ARHGEF38: variants seen among roughly 807,000 people sequenced by gnomAD.
ARHGEF38 encodes the protein Rho guanine nucleotide exchange factor 38, also known as Rho guanine nucleotide exchange factor (GEF) 38.
Under a neutral mutation model 79.9 loss-of-function variants are expected in ARHGEF38, and 79 were observed. The observed-to-expected ratio is 0.99, with a 90% confidence interval of 0.82 to 1.19. ARHGEF38 has a LOEUF of 1.19. ARHGEF38 is among the 50% of genes most tolerant of loss of function. ARHGEF38 has a pLI of 0.00. For synonymous variants in ARHGEF38, 366 were observed against 328.3 expected (o/e 1.11, Z -1.24); for missense variants, 962 against 907.2 (o/e 1.06, Z -0.78).
intron 8 of ARHGEF38, among the ~76,000 whole-genome samples, chr4:105,655,157 A>G (rs1383964873): frequency 1.3e-5 from 2 of 152,230 alleles, no homozygotes; most frequent in Non-Finnish European, 2.9e-5. Context: ...TTCAAGGAGT[A>G]AATGTCTCTT....
At chr4:105,606,540 C>G (rs1728048382) in intron 2 of ARHGEF38, among the ~76,000 whole-genome samples, 1 of 151,930 alleles carries the variant, frequency 6.6e-6, no homozygotes, top group Non-Finnish European at 1.5e-5. Context: ...TTTTTAAAAT[C>G]CTTTAAAAAA....
chr4:105,642,480 T>C (rs1013045359), intron 5 of ARHGEF38, among the ~76,000 whole-genome samples: 1 of 152,154 alleles, frequency 6.6e-6, no homozygotes, highest in Non-Finnish European at 1.5e-5. Flanking sequence ...AATGATACAA[T>C]CTAGACACAA....
intron 1 of ARHGEF38, among the ~76,000 whole-genome samples, chr4:105,585,944 C>T (rs767806320): frequency 9.9e-5 from 15 of 151,568 alleles, no homozygotes; most frequent in Non-Finnish European, 8.8e-5. Context: ...TTGGTCAGGC[C>T]GGTATGAAAC....
intron 13 of ARHGEF38, among the ~76,000 whole-genome samples, 190 bp from the exon 14 acceptor site, chr4:105,677,562 A>G (rs1430241363): frequency 2.0e-5 from 3 of 152,220 alleles, no homozygotes; most frequent in Admixed American, 6.5e-5. Flanking sequence ...AATAATAGGA[A>G]TACCTATTTC....
chr4:105,668,917 A>G (rs983613331), intron 13 of ARHGEF38, among the ~76,000 whole-genome samples: 9 of 152,146 alleles, frequency 5.9e-5, no homozygotes, highest in African/African-American at 2.2e-4. Flanking sequence ...GTGGTTGCCC[A>G]CATCTGTAGT....
intron 4 of ARHGEF38, among the ~76,000 whole-genome samples, chr4:105,635,042 C>T (rs1240220238): frequency 6.6e-6 from 1 of 152,122 alleles, no homozygotes; most frequent in African/African-American, 2.4e-5. Context: ...TGTTATATGG[C>T]ATCATGTTTG....
chr4:105,574,270 G>A (rs916672688), intron 1 of ARHGEF38, among the ~76,000 whole-genome samples: 24 of 152,068 alleles, frequency 1.6e-4, no homozygotes, highest in African/African-American at 4.3e-4. Context: ...GGCAAAGACC[G>A]GGTGCGGTGG....
rs201332239 is a variant in ARHGEF38, at chr4:105,666,191, T to C, written c.1560T>C (p.Val520=). Residue 520 remains valine, a synonymous_variant, in exon 11 of 14, where the codon GTT becomes GTC. Coordinates refer to ENST00000420470, the MANE Select transcript of ARHGEF38 (RefSeq NM_001242729.2). ...YSTLVPMPLL[V]SSISEIQNQV... ...TCTACCTATAGATGCCACTGTTGGTTTCAAGCATTTCTGAGATTCAGAATC... is the reference window on the plus strand; with the variant it reads ...TCTACCTATAGATGCCACTGTTGGTCTCAAGCATTTCTGAGATTCAGAATC... The C allele has an allele frequency of 1.3e-6, 2 of 1,524,878 alleles. No homozygotes were observed. The highest frequency in any genetic ancestry group is 2.5e-5 in the East Asian group (1 of 40,738). The allele number at this position is 1,524,878 out of a possible 1,614,324, so 94.5% of individuals were successfully genotyped here.
intron 10 of ARHGEF38, 56 bp downstream of exon 10, chr4:105,659,421 A>G (rs1730472916): frequency 6.8e-7 from 1 of 1,471,880 alleles, no homozygotes; most frequent in Non-Finnish European, 9.0e-7. Flanking sequence ...TCTGCTAGAA[A>G]CCACACCCAT....
chr4:105,627,864 T>C (rs1366514065), intron 3 of ARHGEF38, among the ~76,000 whole-genome samples: 1 of 152,318 alleles, frequency 6.6e-6, no homozygotes, highest in East Asian at 1.9e-4. Context: ...TGCACTATTA[T>C]GAAGCAGAAT....
chr4:105,654,024 G>A, intron 7 of ARHGEF38, 41 bp from the exon 8 acceptor site: 1 of 1,195,782 alleles, frequency 8.4e-7, no homozygotes, highest in Non-Finnish European at 1.1e-6. Context: ...AAAAATATCT[G>A]TTTCATTTGA....
chr4:105,669,300 T>C (rs1396213509), intron 13 of ARHGEF38, among the ~76,000 whole-genome samples: 1 of 152,192 alleles, frequency 6.6e-6, no homozygotes, highest in African/African-American at 2.4e-5. Context: ...TTTATGTATA[T>C]AATTTATGTA....
Position 105,626,278 on chromosome 4 carries a change from A to G in ARHGEF38, c.509-4620A>G, listed in dbSNP as rs565053640. Reference sequence around the variant, plus strand: ...ACCACAATTCTGGGATATGCCTGGAATCATCTCTCACACATGTTCAATGTC... The same window carrying G: ...ACCACAATTCTGGGATATGCCTGGAGTCATCTCTCACACATGTTCAATGTC... On this transcript the variant is annotated intron_variant, in intron 3 of 13. Coordinates refer to ENST00000420470, the MANE Select transcript of ARHGEF38 (RefSeq NM_001242729.2). Among the ~76,000 whole-genome samples, 18 of 152,310 alleles carry G rather than the reference A, an allele frequency of 1.2e-4. No individual in the cohort carries two copies. The South Asian group carries it at 3.7e-3, about 32-fold the overall frequency.
chr4:105,600,442 A>T (rs2110474367), intron 2 of ARHGEF38, among the ~76,000 whole-genome samples: 1 of 151,874 alleles, frequency 6.6e-6, no homozygotes, highest in African/African-American at 2.4e-5. Context: ...TCCCCCTACC[A>T]CTCTGGCTGC....
intron 2 of ARHGEF38, among the ~76,000 whole-genome samples, chr4:105,592,985 ATAAT>A (rs1727410468): frequency 6.6e-6 from 1 of 152,180 alleles, no homozygotes; most frequent in African/African-American, 2.4e-5. Context: ...TCTCTCCTGA[ATAAT>A]TAGTTTACCC....
At chr4:105,576,275 A>G (rs1373783032) in intron 1 of ARHGEF38, among the ~76,000 whole-genome samples, 1 of 152,142 alleles carries the variant, frequency 6.6e-6, no homozygotes, top group Non-Finnish European at 1.5e-5. Context: ...ATTCCAATCC[A>G]TTAGCATGGA....
chr4:105,637,649 A>T (rs931288524), intron 5 of ARHGEF38, among the ~76,000 whole-genome samples: 2 of 152,146 alleles, frequency 1.3e-5, no homozygotes, highest in African/African-American at 4.8e-5. Flanking sequence ...GAGTGGTTAG[A>T]GAGGAACTTC....
At chr4:105,611,212 T>A (rs1028360887) in intron 2 of ARHGEF38, among the ~76,000 whole-genome samples, 1 of 152,104 alleles carries the variant, frequency 6.6e-6, no homozygotes, top group South Asian at 2.1e-4. Context: ...AGGGATACAC[T>A]GTATGATTTA....
At chr4:105,609,756 G>T (rs551898185) in intron 2 of ARHGEF38, among the ~76,000 whole-genome samples, 1 of 152,022 alleles carries the variant, frequency 6.6e-6, no homozygotes, top group Non-Finnish European at 1.5e-5. Flanking sequence ...TATATCTTGC[G>T]ATAAGTACTT....
Sources: gnomAD v4.1 joint callset for allele counts (sites outside exome capture counted in the v4.1 genomes callset) on GRCh38, gnomAD v4.1.1 for gene constraint, MANE v1.5 for transcripts, NCBI Gene and HGNC (gene_info 2026-07-23, HGNC 2026-07-21) for gene names.